Variants in RPS18 observed in about 807,000 individuals in gnomAD.
The protein encoded by RPS18 is ribosomal protein S18.
For synonymous variants in RPS18, 64 were observed against 70.9 expected, an observed-to-expected ratio of 0.90 and a Z score of 0.49; for missense variants, 49 against 200.8, an observed-to-expected ratio of 0.24 and a Z score of 4.57.
chr6:33,275,034 T>G (rs539658737), intron 2 of RPS18, among the ~76,000 whole-genome samples: 231 of 152,300 alleles, frequency 1.5e-3, no homozygotes, highest in African/African-American at 5.4e-3. Context: ...TGGAATACTT[T>G]GATTATGGGG....
At chr6:33,272,886 T>C (rs1314613099) in intron 2 of RPS18, among the ~76,000 whole-genome samples, 160 bp downstream of exon 2, 1 of 152,202 alleles carries the variant, frequency 6.6e-6, no homozygotes, top group Non-Finnish European at 1.5e-5. Flanking sequence ...CTGACCCCTT[T>C]AGCATTTACC....
intron 2 of RPS18, 33 bp downstream of exon 2, chr6:33,272,759 A>G: frequency 9.5e-7 from 1 of 1,054,094 alleles, no homozygotes; most frequent in East Asian, 2.4e-5. Context: ...TAGGGAATGT[A>G]AATGAGAATT....
chr6:33,273,307 G>T (rs1765381513), intron 2 of RPS18, among the ~76,000 whole-genome samples: 1 of 152,178 alleles, frequency 6.6e-6, no homozygotes, highest in Non-Finnish European at 1.5e-5. Context: ...ATCAATGAAT[G>T]CAAGAATATT....
At chr6:33,275,518 A>G (rs1765569740) in intron 2 of RPS18, 4 of 443,778 alleles carry the variant, frequency 9.0e-6, no homozygotes, top group Non-Finnish European at 1.2e-5. Flanking sequence ...GGGTTTCACC[A>G]TGTTGGCCAG....
Position 33,272,101 on chromosome 6 carries a change from C to G in RPS18, c.-19C>G, listed in dbSNP as rs370675875. The G allele has an allele frequency of 2.6e-6, 4 of 1,566,706 alleles. No individual in the cohort carries two copies. The highest frequency in any genetic ancestry group is 3.5e-6 in the Non-Finnish European group (4 of 1,155,640). ...TCTCTTCCACAGGAGGCCTACACGC[C>G]GCCGCTTGTGCTGCAGCCATGGTAA... On this transcript the variant is annotated 5_prime_UTR_variant, in exon 1 of 6. Coordinates refer to ENST00000439602, the MANE Select transcript of RPS18 (RefSeq NM_022551.3).
chr6:33,274,713 GTCTC>G (rs147491403), intron 2 of RPS18, among the ~76,000 whole-genome samples: 121 of 152,172 alleles, frequency 8.0e-4, no homozygotes, highest in Non-Finnish European at 8.8e-4. Flanking sequence ...TCCTCTTCGT[GTCTC>G]TCTCATGATT....
chr6:33,272,746 G>A lies in RPS18; in HGVS notation c.102+20G>A. 8.6e-7 allele frequency: 1 copy of A among 1,159,622 alleles called. No individual in the cohort carries two copies. Among genetic ancestry groups the A allele is most frequent in the Non-Finnish European group, 1.3e-6 (1 of 764,476 alleles). The allele number at this position is 1,159,622 out of a possible 1,614,324, so 71.8% of individuals were successfully genotyped here. A position where few individuals can be genotyped will look rare whatever the true frequency, so the allele number is the denominator to read the frequency against. On this transcript the variant is annotated intron_variant, in intron 2 of 5. Coordinates refer to ENST00000439602, the MANE Select transcript of RPS18 (RefSeq NM_022551.3). ...ATTAAGGTAAGTGAAGTAGGGTAAG[G>A]AATAGGGAATGTAAATGAGAATTGG...
Position 33,272,637 on chromosome 6 carries a change from A to G in RPS18, c.13A>G (p.Ile5Val), listed in dbSNP as rs538084358. The G allele has an allele frequency of 2.7e-6, 4 of 1,466,444 alleles. No homozygotes were observed. In the South Asian group the frequency reaches 4.5e-5, roughly 17 times the overall value. 90.8% of individuals were successfully genotyped at this position (1,466,444 alleles called of 1,614,324 possible). Residue 5 changes from isoleucine (I) to valine (V), a missense_variant, in exon 2 of 6, where the codon ATC becomes GTC. Physicochemically the swap from Ile to Val is conservative, Grantham distance 29. Coordinates refer to ENST00000439602, the MANE Select transcript of RPS18 (RefSeq NM_022551.3). The part of the protein sequence containing the change: MSLV[I>V]PEKFQHILRV... ...GTACTTTTTCAACTAGTCTCTAGTG[A>G]TCCCTGAAAAGTTCCAGCATATTTT... is the stretch of plus-strand genomic sequence containing the variant.
intron 2 of RPS18, among the ~76,000 whole-genome samples, chr6:33,274,743 A>G (rs1765513570): frequency 6.6e-6 from 1 of 152,086 alleles, no homozygotes; most frequent in Non-Finnish European, 1.5e-5. Flanking sequence ...TTGGATCTAG[A>G]GCCCACCCTA....
Position 33,276,442 on chromosome 6 carries a change from C to T in RPS18, c.435C>T (p.Thr145=), listed in dbSNP as rs750117624. 20 of 1,613,186 alleles carry T rather than the reference C, an allele frequency of 1.2e-5. No homozygotes were observed. The African/African-American group carries it at 1.3e-4, about 11-fold the overall frequency. ...HTKTTGRRGR[T]VGVSKKK is the part of the protein sequence containing the mutation. ...AGACCACTGGCCGCCGTGGCCGCAC[C>T]GTGGGTGTGTCCAAGAAGAAATAAG... The change falls in exon 6 of 6, where the codon ACC becomes ACT. Residue 145 remains threonine (T), a synonymous_variant. Coordinates refer to ENST00000439602, the MANE Select transcript of RPS18 (RefSeq NM_022551.3).
chr6:33,274,980 T>A (rs1765527786), intron 2 of RPS18, among the ~76,000 whole-genome samples: 1 of 152,194 alleles, frequency 6.6e-6, no homozygotes, highest in Non-Finnish European at 1.5e-5. Context: ...TATAATAACT[T>A]GGGCAGTCAG....
At chr6:33,272,421 AT>A in intron 1 of RPS18, 1 of 611,182 alleles carries the variant, frequency 1.6e-6, no homozygotes. Context: ...CAGAGGTTGC[AT>A]TTTCCCAAGC....
chr6:33,275,201 C>T (rs1234247709), intron 2 of RPS18: 1 of 154,364 alleles, frequency 6.5e-6, no homozygotes, highest in East Asian at 1.9e-4. Context: ...AATCAGAAGG[C>T]ACTTAGTGAC....
intron 1 of RPS18, 40 bp from the exon 2 acceptor site, chr6:33,272,588 T>C: frequency 1.1e-6 from 1 of 893,934 alleles, no homozygotes; most frequent in Non-Finnish European, 1.9e-6. Context: ...GTTTGATAGT[T>C]TACTGTGTCT....
At position 33,272,085 on chromosome 6, in the gene RPS18, CA is replaced by C; in HGVS notation, c.-34del. 6.4e-7 allele frequency: 1 copy of C among 1,563,826 alleles called. No individual in the cohort carries two copies. Among genetic ancestry groups the C allele is most frequent in the Non-Finnish European group, 8.7e-7 (1 of 1,153,892 alleles). ...CGCGTCACTTCCGCTCTCTCTTCCA[CA>C]GGAGGCCTACACGCCGCCGCTTGTG... On this transcript the variant is annotated 5_prime_UTR_variant, in exon 1 of 6. Transcript: ENST00000439602.
At chr6:33,275,692 A>G (rs745447056) in intron 2 of RPS18, 105 bp from the exon 3 acceptor site, 9 of 808,412 alleles carry the variant, frequency 1.1e-5, no homozygotes, top group Non-Finnish European at 2.0e-5. Flanking sequence ...GGGATTGCAA[A>G]ATAGATTATT....
chr6:33,272,281 C>T, intron 1 of RPS18, 159 bp downstream of exon 1: 1 of 842,586 alleles, frequency 1.2e-6, no homozygotes, highest in Non-Finnish European at 1.9e-6. Flanking sequence ...ATTTCCAATT[C>T]CGGAGAGCGG....
At chr6:33,274,125 T>A (rs1765477132) in intron 2 of RPS18, among the ~76,000 whole-genome samples, 1 of 152,142 alleles carries the variant, frequency 6.6e-6, no homozygotes, top group Admixed American at 6.5e-5. Context: ...ACCATGTTGG[T>A]CAAACTGGTC....
At chr6:33,272,389 CAGG>C (rs1765263862) in intron 1 of RPS18, 1 of 604,992 alleles carries the variant, frequency 1.7e-6, no homozygotes, top group Admixed American at 2.9e-5. Context: ...TGGGAATGGG[CAGG>C]AGACCTGCTT....
Sources: allele counts gnomAD v4.1 joint callset (sites outside exome capture counted in the v4.1 genomes callset), GRCh38; gene constraint gnomAD v4.1.1; transcripts MANE v1.5; gene names NCBI Gene and HGNC (gene_info 2026-07-23, HGNC 2026-07-21).